ITGA9: variants seen among roughly 807,000 people sequenced by gnomAD.
The protein encoded by ITGA9 is integrin subunit alpha 9.
In ITGA9, 56 loss-of-function variants were observed where a neutral mutation model predicts 127.8. The observed-to-expected ratio is 0.44, with a 90% CI of 0.35 to 0.55. ITGA9 has a LOEUF of 0.55. ITGA9 is among the 20% of genes least tolerant of loss of function. ITGA9 has a pLI of 0.00. For synonymous variants in ITGA9, 508 were observed against 514.5 expected, an observed-to-expected ratio of 0.99 and a Z score of 0.17; for missense variants, 1,196 against 1,347.1, an observed-to-expected ratio of 0.89 and a Z score of 1.76.
chr3:37,489,797 G>A (rs1381621555), intron 4 of ITGA9, among the ~76,000 whole-genome samples: 2 of 150,500 alleles, frequency 1.3e-5, no homozygotes, highest in Non-Finnish European at 2.9e-5. Context: ...GAAACAAAAT[G>A]CTTGTTCCTC....
intron 15 of ITGA9, among the ~76,000 whole-genome samples, chr3:37,580,474 T>A (rs1213145635): frequency 1.3e-5 from 2 of 152,194 alleles, no homozygotes; most frequent in Admixed American, 1.3e-4. Context: ...AGAGGTGATG[T>A]AACCAGGGAC....
At chr3:37,714,542 T>C (rs1425544437) in intron 18 of ITGA9, among the ~76,000 whole-genome samples, 1 of 152,172 alleles carries the variant, frequency 6.6e-6, no homozygotes, top group African/African-American at 2.4e-5. Context: ...TCCCCTCTCC[T>C]ATGAGACCAT....
chr3:37,754,527 A>C (rs1214966200), intron 23 of ITGA9, among the ~76,000 whole-genome samples: 1 of 152,228 alleles, frequency 6.6e-6, no homozygotes, highest in Admixed American at 6.5e-5. Flanking sequence ...AACCAATTGA[A>C]AATATTGGCC....
At chr3:37,708,540 A>G (rs1487036539) in intron 18 of ITGA9, among the ~76,000 whole-genome samples, 1 of 151,960 alleles carries the variant, frequency 6.6e-6, no homozygotes, top group Non-Finnish European at 1.5e-5. Context: ...AACCAAGGGT[A>G]ATTTTGTCTC....
At chr3:37,781,461 G>A (rs1446745761) in intron 25 of ITGA9, among the ~76,000 whole-genome samples, 3 of 152,132 alleles carry the variant, frequency 2.0e-5, no homozygotes, top group African/African-American at 4.8e-5. Context: ...TTTAAATGAC[G>A]GTTTGTTTTG....
chr3:37,688,162 T>C (rs1012450306), intron 18 of ITGA9, among the ~76,000 whole-genome samples: 1 of 152,140 alleles, frequency 6.6e-6, no homozygotes, highest in Non-Finnish European at 1.5e-5. Context: ...GGCAGAAAGA[T>C]GTGGGAAGCC....
intron 22 of ITGA9, chr3:37,748,337 T>A: frequency 1.7e-6 from 1 of 594,898 alleles, no homozygotes; most frequent in Non-Finnish European, 3.2e-6. Context: ...GGCATTGTTA[T>A]AAACACACAA....
chr3:37,605,013 G>A (rs1009763362), intron 15 of ITGA9, among the ~76,000 whole-genome samples: 2 of 152,182 alleles, frequency 1.3e-5, no homozygotes, highest in Admixed American at 1.3e-4. Context: ...CCGTCTAATA[G>A]GAATGATAGC....
intron 25 of ITGA9, among the ~76,000 whole-genome samples, chr3:37,783,479 T>G (rs1054527184): frequency 6.6e-6 from 1 of 152,158 alleles, no homozygotes; most frequent in South Asian, 2.1e-4. Context: ...CAGCTAGGAC[T>G]GCAGGCACAT....
intron 1 of ITGA9, among the ~76,000 whole-genome samples, chr3:37,453,613 G>A (rs1021784583): frequency 6.6e-6 from 1 of 152,142 alleles, no homozygotes. Context: ...CAGCCAGGCC[G>A]GGGTTGATTT....
At chr3:37,488,331 T>TG (rs1404511403) in intron 4 of ITGA9, among the ~76,000 whole-genome samples, 1 of 152,114 alleles carries the variant, frequency 6.6e-6, no homozygotes, top group Non-Finnish European at 1.5e-5. Flanking sequence ...TCACTTTTTT[T>TG]TTTCTGAGAG....
intron 18 of ITGA9, among the ~76,000 whole-genome samples, chr3:37,686,544 T>C (rs1700784241): frequency 6.6e-6 from 1 of 152,206 alleles, no homozygotes; most frequent in Non-Finnish European, 1.5e-5. Flanking sequence ...CATTGGCCAC[T>C]GTAGCTGGCC....
intron 18 of ITGA9, among the ~76,000 whole-genome samples, chr3:37,688,129 G>T (rs9857211): frequency 6.6e-6 from 1 of 152,090 alleles, no homozygotes; most frequent in South Asian, 2.1e-4. Flanking sequence ...GGTCCACACT[G>T]CCTGGGGCCA....
At chr3:37,794,203 G>A (rs189691677) in intron 26 of ITGA9, among the ~76,000 whole-genome samples, 1 of 152,334 alleles carries the variant, frequency 6.6e-6, no homozygotes, top group African/African-American at 2.4e-5. Flanking sequence ...CATCTTCTTT[G>A]GAACAGAGGC....
intron 18 of ITGA9, among the ~76,000 whole-genome samples, chr3:37,725,813 A>G (rs765260282): frequency 2.6e-5 from 4 of 152,240 alleles, no homozygotes; most frequent in Non-Finnish European, 5.9e-5. Context: ...TTTTACTGGT[A>G]AGGAACTGGA....
chr3:37,513,731 GA>G, intron 8 of ITGA9, 31 bp from the exon 9 acceptor site: 1 of 1,613,956 alleles, frequency 6.2e-7, no homozygotes, highest in African/African-American at 1.3e-5. Context: ...AGCAGACACT[GA>G]ATGCTTTGTT....
intron 4 of ITGA9, among the ~76,000 whole-genome samples, chr3:37,483,277 TC>T (rs1698575683): frequency 6.6e-6 from 1 of 152,168 alleles, no homozygotes; most frequent in African/African-American, 2.4e-5. Context: ...GAGTTCAATG[TC>T]CATGTGTACG....
intron 18 of ITGA9, among the ~76,000 whole-genome samples, chr3:37,708,932 T>C (rs1701045491): frequency 6.6e-6 from 1 of 152,178 alleles, no homozygotes; most frequent in Admixed American, 6.5e-5. Context: ...TGGTTAAGAG[T>C]AGGGTTTTGT....
At chr3:37,784,903 C>A in intron 25 of ITGA9, 74 bp from the exon 26 acceptor site, 1 of 1,242,132 alleles carries the variant, frequency 8.1e-7, no homozygotes, top group African/African-American at 1.5e-5. Context: ...AATTTCAGTT[C>A]TGCCCAGTCC....
Sources: allele counts gnomAD v4.1 joint callset (sites outside exome capture counted in the v4.1 genomes callset), GRCh38; gene constraint gnomAD v4.1.1; transcripts MANE v1.5; gene names NCBI Gene and HGNC (gene_info 2026-07-23, HGNC 2026-07-21).